Variants in LIN52 observed in about 807,000 individuals in gnomAD.
The protein encoded by LIN52 is lin-52 DREAM MuvB core complex component, also known as protein lin-52 homolog.
LIN52 carries 4 observed loss-of-function variants against 18.5 expected under a neutral mutation model. The ratio of observed to expected loss-of-function variants is 0.22; its 90% CI spans 0.11 to 0.49. The LOEUF is 0.49. Among genes scored for constraint, LIN52 ranks in the 20% least tolerant of loss-of-function variants. The pLI, the probability that LIN52 is intolerant of heterozygous loss-of-function variation, is 0.97. For synonymous variants in LIN52, 34 were observed against 45.5 expected, an observed-to-expected ratio of 0.75 and a Z score of 1.02; for missense variants, 102 against 139.5, an observed-to-expected ratio of 0.73 and a Z score of 1.35.
chr14:74,163,645 AAG>A (rs1259472452), intron 5 of LIN52, among the ~76,000 whole-genome samples: 10 of 152,174 alleles, frequency 6.6e-5, no homozygotes, highest in Non-Finnish European at 1.5e-4. Flanking sequence ...TAAAAAATAT[AAG>A]AGCCCTCAAG....
intron 5 of LIN52, among the ~76,000 whole-genome samples, chr14:74,103,896 CT>C (rs754478392): frequency 1.5e-3 from 207 of 138,894 alleles, no homozygotes; most frequent in South Asian, 6.2e-3. Flanking sequence ...CTTTTTCTTT[CT>C]TTTTTTTTTT....
intron 5 of LIN52, among the ~76,000 whole-genome samples, chr14:74,109,174 T>G (rs1464291115): frequency 7.9e-5 from 12 of 152,228 alleles, no homozygotes; most frequent in Admixed American, 7.9e-4. Context: ...TTGAATTGTC[T>G]TGACATCCTT....
intron 2 of LIN52, among the ~76,000 whole-genome samples, chr14:74,094,258 G>GTT (rs34744239): frequency 3.2e-4 from 46 of 144,322 alleles, no homozygotes; most frequent in South Asian, 1.1e-3. Flanking sequence ...CTACTTTGTA[G>GTT]TTTTTTTTTT....
At chr14:74,178,492 C>CT (rs1417126370) in intron 5 of LIN52, among the ~76,000 whole-genome samples, 1 of 149,014 alleles carries the variant, frequency 6.7e-6, no homozygotes, top group Non-Finnish European at 1.5e-5. Context: ...GATTCTTGCT[C>CT]TGTCGCCCAG....
intron 5 of LIN52, among the ~76,000 whole-genome samples, chr14:74,167,291 A>G (rs562203018): frequency 1.3e-5 from 2 of 152,204 alleles, no homozygotes; most frequent in South Asian, 2.1e-4. Flanking sequence ...ATCACATGTT[A>G]TTTTATCTAA....
chr14:74,181,176 C>A (rs1357346411), intron 5 of LIN52, among the ~76,000 whole-genome samples: 1 of 150,874 alleles, frequency 6.6e-6, no homozygotes, highest in Non-Finnish European at 1.5e-5. Context: ...TGCAGTGGCT[C>A]ACACCTGTAA....
In LIN52 at chr14:74,123,712, G is replaced by A. The variant is rs2139926953; in HGVS notation, c.283+22474G>A. ...TGCCCTTGTTTAATCATCTCTTGAG[G>A]GTGGGCTGGACCTAATGATAGTAAA... On this transcript the variant is annotated intron_variant, in intron 5 of 5. Transcript: ENST00000555028. Among the ~76,000 whole-genome samples the A allele has an allele frequency of 4.6e-5, 7 of 152,222 alleles. 2 individuals carry two copies.
chr14:74,192,368 C>T (rs1052730338), intron 5 of LIN52, among the ~76,000 whole-genome samples: 1 of 152,184 alleles, frequency 6.6e-6, no homozygotes, highest in African/African-American at 2.4e-5. Flanking sequence ...TCACTGCAAC[C>T]TCTGCCTCCT....
intron 5 of LIN52, among the ~76,000 whole-genome samples, chr14:74,147,642 C>T (rs2139551920): frequency 1.3e-5 from 2 of 152,246 alleles, no homozygotes; most frequent in Admixed American, 1.3e-4. Flanking sequence ...TAGATACATG[C>T]AATGGAATAT....
rs141443782 is a variant in LIN52 at position 74,177,904 on chromosome 14, A to G, written c.284-21018A>G. Among the ~76,000 whole-genome samples, 839 of 151,886 alleles carry G rather than the reference A, an allele frequency of 5.5e-3. 21 individuals are homozygous for G. Among genetic ancestry groups the G allele is most frequent in the Admixed American group, 0.041 (627 of 15,274 alleles). ...GCAATTCTCCTGCCTCAGCCTCCTG[A>G]GTAGCTGGGATTACAGGCACCCGCC... On this transcript the variant is annotated intron_variant, in intron 5 of 5. Coordinates refer to ENST00000555028, the MANE Select transcript of LIN52 (RefSeq NM_001024674.3).
intron 5 of LIN52, among the ~76,000 whole-genome samples, chr14:74,129,735 C>T (rs1406759962): frequency 6.6e-6 from 1 of 152,112 alleles, no homozygotes; most frequent in African/African-American, 2.4e-5. Flanking sequence ...GTAGTCACAG[C>T]TACTTGGGAG....
intron 5 of LIN52, among the ~76,000 whole-genome samples, chr14:74,136,717 G>A (rs1450274096): frequency 6.6e-6 from 1 of 152,178 alleles, no homozygotes; most frequent in East Asian, 1.9e-4. Flanking sequence ...AAGAGGGATT[G>A]ATAACTTTGT....
chr14:74,188,248 A>G (rs549813251), intron 5 of LIN52, among the ~76,000 whole-genome samples: 3 of 152,154 alleles, frequency 2.0e-5, no homozygotes, highest in Non-Finnish European at 4.4e-5. Flanking sequence ...GCTTAAAGAA[A>G]AATTCTCCAA....
intron 5 of LIN52, among the ~76,000 whole-genome samples, chr14:74,123,807 C>T (rs148973966): frequency 5.9e-5 from 9 of 152,236 alleles, no homozygotes; most frequent in Non-Finnish European, 1.3e-4. Flanking sequence ...CTTCATCCCC[C>T]AGAGAAGCAC....
intron 5 of LIN52, among the ~76,000 whole-genome samples, chr14:74,118,427 G>A (rs956301488): frequency 6.6e-6 from 1 of 152,084 alleles, no homozygotes; most frequent in African/African-American, 2.4e-5. Flanking sequence ...ACAACTCAAT[G>A]ATTTTCATAA....
intron 5 of LIN52, among the ~76,000 whole-genome samples, chr14:74,120,158 A>G (rs1317276893): frequency 6.6e-6 from 1 of 152,106 alleles, no homozygotes. Context: ...CTTTAAAAAA[A>G]TGATTTGTAA....
chr14:74,138,947 T>A (rs2061113827), intron 5 of LIN52, among the ~76,000 whole-genome samples: 1 of 152,056 alleles, frequency 6.6e-6, no homozygotes, highest in Admixed American at 6.6e-5. Context: ...TTTTTTTTTT[T>A]TTTCAACAAA....
At chr14:74,116,182 G>A (rs1265965886) in intron 5 of LIN52, among the ~76,000 whole-genome samples, 1 of 151,768 alleles carries the variant, frequency 6.6e-6, no homozygotes, top group East Asian at 1.9e-4. Context: ...ACATGCCTGT[G>A]GTCTCAGCTA....
chr14:74,136,990 T>G (rs1383694628), intron 5 of LIN52, among the ~76,000 whole-genome samples: 1 of 152,046 alleles, frequency 6.6e-6, no homozygotes, highest in Non-Finnish European at 1.5e-5. Flanking sequence ...TATTTCAAAT[T>G]ATCAAGTAAA....
Sources: allele counts gnomAD v4.1 joint callset (sites outside exome capture counted in the v4.1 genomes callset), GRCh38; gene constraint gnomAD v4.1.1; transcripts MANE v1.5; gene names NCBI Gene and HGNC (gene_info 2026-07-23, HGNC 2026-07-21).